The following SLC36A1 variants were observed in gnomAD, a reference collection of about 807,000 sequenced individuals.
SLC36A1 encodes the protein proton-coupled amino acid transporter 1.
In SLC36A1, 30 loss-of-function variants were observed where a neutral mutation model predicts 47.5. The ratio of observed to expected loss-of-function variants is 0.63; its 90% CI spans 0.47 to 0.86. SLC36A1 has a LOEUF of 0.86. SLC36A1 is among the 40% of genes least tolerant of loss of function. SLC36A1 has a pLI of 0.00. For missense variants in SLC36A1, 517 were observed against 606.0 expected (o/e 0.85, Z 1.54); for synonymous variants, 255 against 249.7 (o/e 1.02, Z -0.20).
the SLC36A1 span, among the ~76,000 whole-genome samples, chr5:151,357,992 G>T: frequency 6.6e-6 from 1 of 152,172 alleles, no homozygotes; most frequent in Non-Finnish European, 1.5e-5. Flanking sequence ...TGTGGTCAGA[G>T]AACTTTTATG....
At chr5:151,430,549 C>A in the SLC36A1 span, among the ~76,000 whole-genome samples, 1 of 152,068 alleles carries the variant, frequency 6.6e-6, no homozygotes, top group African/African-American at 2.4e-5. Context: ...TGGTCTTGAA[C>A]TCCTGACCTC....
At chr5:151,378,822 A>G in the SLC36A1 span, among the ~76,000 whole-genome samples, 2 of 152,208 alleles carry the variant, frequency 1.3e-5, no homozygotes, top group Admixed American at 1.3e-4. Flanking sequence ...CACTGCCATG[A>G]GCAGCCACTG....
intron 1 of SLC36A1, among the ~76,000 whole-genome samples, chr5:151,458,301 C>CTTGT (rs1554109967): frequency 1.3e-4 from 14 of 104,628 alleles, no homozygotes; most frequent in African/African-American, 6.2e-4. Flanking sequence ...TATACATACA[C>CTTGT]GTGTATATAC....
At chr5:151,479,007 A>T (rs1000776953) in intron 9 of SLC36A1, among the ~76,000 whole-genome samples, 4 of 152,240 alleles carry the variant, frequency 2.6e-5, no homozygotes, top group Admixed American at 1.3e-4. Flanking sequence ...GTTCTGCCTC[A>T]TACTTTGTTA....
Position 151,490,909 on chromosome 5 carries a change from G to C in SLC36A1, c.*2655G>C, listed in dbSNP as rs563180691. On this transcript the variant is annotated 3_prime_UTR_variant, in exon 11 of 11. Transcript: ENST00000243389. ...AGCCCAAAGGGCTTCTTGAGGTAGA[G>C]AGCCCTCCCCAGTGTCTTCCCAGGA... 2.0e-5 allele frequency: 3 copies of C among 152,266 alleles called. No homozygotes were observed. The highest frequency in any genetic ancestry group is 7.2e-5 in the African/African-American group (3 of 41,444). The allele number at this position is 152,266 out of a possible 1,614,324, so 9.4% of individuals were successfully genotyped here.
upstream of SLC36A1, among the ~76,000 whole-genome samples, chr5:151,433,221 CATATATATATATATATATATATAT>C (rs1370126169): frequency 0.011 from 193 of 17,354 alleles, 4 homozygotes; most frequent in African/African-American, 0.022. Context: ...TTCTGAATAA[CATATATATATATATATATATATAT>C]ATATATATAT....
the SLC36A1 span, chr5:151,553,349 G>A: frequency 6.2e-7 from 1 of 1,614,246 alleles, no homozygotes; most frequent in Middle Eastern, 1.7e-4. Flanking sequence ...GCCGGACACT[G>A]GCTGAGAGTG....
the SLC36A1 span, chr5:151,540,889 A>C: frequency 3.6e-6 from 3 of 831,266 alleles, no homozygotes; most frequent in Non-Finnish European, 5.5e-6. Flanking sequence ...TCCTTCCTTA[A>C]CTAGGAACCC....
At chr5:151,384,968 G>A in the SLC36A1 span, among the ~76,000 whole-genome samples, 1 of 118,998 alleles carries the variant, frequency 8.4e-6, no homozygotes, top group Admixed American at 7.3e-5. Flanking sequence ...TAAGTGAGGT[G>A]TGTATGTGTG....
intron 9 of SLC36A1, among the ~76,000 whole-genome samples, chr5:151,477,959 C>T (rs1229984682): frequency 6.6e-6 from 1 of 152,180 alleles, no homozygotes; most frequent in East Asian, 1.9e-4. Context: ...TTTGGCTATC[C>T]CTGCAGGTGT....
At chr5:151,453,488 TGTACTGGATG>T (rs368670080) in intron 1 of SLC36A1, among the ~76,000 whole-genome samples, 144 of 152,254 alleles carry the variant, frequency 9.5e-4, no homozygotes, top group African/African-American at 3.3e-3. Context: ...TAGTGGTTAC[TGTACTGGATG>T]GTACAACTTC....
chr5:151,348,677 G>A, the SLC36A1 span, among the ~76,000 whole-genome samples: 4 of 152,174 alleles, frequency 2.6e-5, no homozygotes. Context: ...CATGGGATAA[G>A]CTTCAAGCTC....
upstream of SLC36A1, among the ~76,000 whole-genome samples, chr5:151,445,270 T>C (rs1752852695): frequency 6.6e-6 from 1 of 152,244 alleles, no homozygotes; most frequent in Non-Finnish European, 1.5e-5. Context: ...CCTGTTAATA[T>C]GATGTATTAT....
At chr5:151,405,174 G>T in the SLC36A1 span, among the ~76,000 whole-genome samples, 1 of 152,168 alleles carries the variant, frequency 6.6e-6, no homozygotes, top group East Asian at 1.9e-4. Flanking sequence ...GGTCTAGTTT[G>T]TTATTAAGGC....
intron 1 of SLC36A1, among the ~76,000 whole-genome samples, chr5:151,455,227 C>T (rs549299703): frequency 6.6e-6 from 1 of 152,240 alleles, no homozygotes; most frequent in Admixed American, 6.5e-5. Flanking sequence ...CCGATGTCTA[C>T]CCATGATTCT....
the SLC36A1 span, among the ~76,000 whole-genome samples, chr5:151,414,924 C>T: frequency 1.3e-5 from 2 of 152,168 alleles, no homozygotes. Context: ...TAGCCTCAGA[C>T]CTCCTCCAGC....
chr5:151,405,618 A>T, the SLC36A1 span, among the ~76,000 whole-genome samples: 81 of 149,894 alleles, frequency 5.4e-4, no homozygotes, highest in African/African-American at 2.0e-3. Flanking sequence ...ACCTTTAGAG[A>T]TAAGAAAACC....
intron 2 of SLC36A1, among the ~76,000 whole-genome samples, chr5:151,461,217 T>A (rs2127477530): frequency 6.6e-6 from 1 of 150,872 alleles, no homozygotes; most frequent in East Asian, 2.0e-4. Context: ...CTTAAACACC[T>A]GGGCTCAAGT....
the SLC36A1 span, chr5:151,545,188 T>C: frequency 1.9e-6 from 3 of 1,614,196 alleles, no homozygotes; most frequent in Non-Finnish European, 2.5e-6. Context: ...GTCCTGCAAG[T>C]TCTCCTTCAC....
Sources: allele counts gnomAD v4.1 joint callset (sites outside exome capture counted in the v4.1 genomes callset), GRCh38; gene constraint gnomAD v4.1.1; transcripts MANE v1.5; gene names NCBI Gene and HGNC (gene_info 2026-07-23, HGNC 2026-07-21).